PLA2G7: variants seen among roughly 807,000 people sequenced by gnomAD.
PLA2G7 encodes phospholipase A2 group VII, also known as platelet-activating factor acetylhydrolase.
A neutral mutation model predicts 49.6 loss-of-function variants in PLA2G7; 63 were observed. The observed-to-expected ratio is 1.27, with a 90% confidence interval of 1.04 to 1.57. The LOEUF (loss-of-function observed/expected upper bound fraction) is 1.57, where lower values mean the gene tolerates loss of function less well. Ranked by LOEUF, PLA2G7 falls within the 40% of genes most tolerant of loss-of-function variation. The pLI, the probability that PLA2G7 is intolerant of heterozygous loss-of-function variation, is 0.00. For missense variants in PLA2G7, 596 were observed against 521.2 expected (o/e 1.14, Z -1.40); for synonymous variants, 193 against 169.9 (o/e 1.14, Z -1.06).
chr6:46,734,443 A>T (rs1380304167), intron 1 of PLA2G7, among the ~76,000 whole-genome samples: 3,469 of 59,210 alleles, frequency 0.059, 553 homozygotes, highest in African/African-American at 0.25. Flanking sequence ...AGAGAGAGAG[A>T]GAGAGAGAGA....
rs140522660 is a variant in PLA2G7, at chr6:46,722,988, C to T, written c.-34-63G>A. 5.4e-6 allele frequency: 4 copies of T among 734,066 alleles called. No homozygotes were observed. The African/African-American group carries it at 7.0e-5, about 13-fold the overall frequency. The allele number at this position is 734,066 out of a possible 1,614,324, so 45.5% of individuals were successfully genotyped here. A position where few individuals can be genotyped will look rare whatever the true frequency, so the allele number is the denominator to read the frequency against. ...AATGAAGAGGCCTTAAATAAGCTGA[C>T]AAATCAAGAAAGGCTGAGGTACTAG... On this transcript the variant is annotated intron_variant, in intron 1 of 11. Transcript: ENST00000274793.
chr6:46,727,474 C>A (rs1381414239), intron 1 of PLA2G7, among the ~76,000 whole-genome samples: 2 of 152,146 alleles, frequency 1.3e-5, no homozygotes, highest in East Asian at 3.8e-4. Context: ...TACTCTCTTT[C>A]CAAATTCTTC....
At chr6:46,706,021 C>T (rs1016806010) in intron 10 of PLA2G7, among the ~76,000 whole-genome samples, 4 of 152,164 alleles carry the variant, frequency 2.6e-5, no homozygotes, top group Admixed American at 2.6e-4. Context: ...GTAGGCATTC[C>T]TTAGGATTCT....
chr6:46,734,925 G>C (rs192560542), intron 1 of PLA2G7, among the ~76,000 whole-genome samples: 67 of 152,304 alleles, frequency 4.4e-4, no homozygotes, highest in Admixed American at 1.9e-3. Flanking sequence ...CCAGCTCTGA[G>C]CTCTTAGGGT....
chr6:46,708,963 A>T (rs1342131612), intron 9 of PLA2G7, among the ~76,000 whole-genome samples: 1 of 152,202 alleles, frequency 6.6e-6, no homozygotes, highest in Non-Finnish European at 1.5e-5. Flanking sequence ...AAACCTAATT[A>T]AAAAATGTCC....
intron 7 of PLA2G7, 30 bp from the exon 8 acceptor site, chr6:46,710,688 CA>C (rs1764986690): frequency 6.6e-7 from 1 of 1,518,516 alleles, no homozygotes; most frequent in African/African-American, 1.4e-5. Context: ...AAGGAAATGA[CA>C]AAGTAAAAAG....
chr6:46,734,911 C>T (rs550328170), intron 1 of PLA2G7, among the ~76,000 whole-genome samples: 2 of 152,280 alleles, frequency 1.3e-5, no homozygotes, highest in Admixed American at 6.5e-5. Context: ...TCCTGATTCT[C>T]CCCCCAGCTC....
chr6:46,718,389 T>A (rs557395434), intron 2 of PLA2G7, among the ~76,000 whole-genome samples: 1 of 152,230 alleles, frequency 6.6e-6, no homozygotes, highest in Non-Finnish European at 1.5e-5. Flanking sequence ...ATGTGGCCTA[T>A]CCTTCCAGTG....
At chr6:46,726,853 G>A (rs557121681) in intron 1 of PLA2G7, among the ~76,000 whole-genome samples, 41 of 151,990 alleles carry the variant, frequency 2.7e-4, no homozygotes, top group African/African-American at 9.7e-4. Context: ...TGTTGGCCAG[G>A]CTGCTTATGA....
intron 5 of PLA2G7, 117 bp downstream of exon 5, chr6:46,714,343 C>T: frequency 3.8e-6 from 3 of 781,070 alleles, no homozygotes; most frequent in Non-Finnish European, 2.3e-6. Context: ...ATTGAGGAAA[C>T]CCAACTCCTC....
At position 46,704,468 on chromosome 6, in the gene PLA2G7, TCTCTCTCTCTCACACACA is replaced by T. The variant is rs67717679; in HGVS notation, c.*74_*91del. ...CTCTCTCTCTCTCTCTCTCTCTCTC[TCTCTCTCTCTCACACACA>T]CACACACACACACACACACACACAT... On this transcript the variant is annotated 3_prime_UTR_variant, in exon 12 of 12. Transcript: ENST00000274793. 18,248 of 416,068 alleles carry T rather than the reference TCTCTCTCTCTCACACACA, an allele frequency of 0.044. 168 individuals carry two copies. The highest frequency in any genetic ancestry group is 0.15 in the East Asian group (3,112 of 21,268). The allele number at this position is 416,068 out of a possible 1,614,324, so 25.8% of individuals were successfully genotyped here.
intron 5 of PLA2G7, 39 bp from the exon 6 acceptor site, chr6:46,712,376 C>G (rs758109112): frequency 6.8e-7 from 1 of 1,461,354 alleles, no homozygotes; most frequent in Non-Finnish European, 9.6e-7. Context: ...AACTACCAGT[C>G]ATGATTACAA....
chr6:46,711,529 T>C lies in PLA2G7; in HGVS notation c.630A>G (p.Lys210=). The C allele has an allele frequency of 6.2e-7, 1 of 1,613,786 alleles. No individual in the cohort carries two copies. Among genetic ancestry groups the C allele is most frequent in the East Asian group, 2.2e-5 (1 of 44,860 alleles). Residue 210 remains lysine (K), a synonymous_variant, in exon 7 of 12, where the codon AAA becomes AAG. Coordinates refer to ENST00000274793, the MANE Select transcript of PLA2G7 (RefSeq NM_005084.4). ...TTCGTATATGTGTCTCCTCCTCTTG[T>C]TTCAGGGTTCTAAGGTAGAGCCAAG... ...DKSWLYLRTL[K]QEEETHIRNE... is the part of the protein sequence containing the mutation.
intron 1 of PLA2G7, 26 bp downstream of exon 1, chr6:46,735,154 G>T (rs1765883359): frequency 7.0e-6 from 1 of 143,374 alleles, no homozygotes; most frequent in South Asian, 2.6e-4. Flanking sequence ...TCCCACTCCC[G>T]CCTCGCCCCC....
At chr6:46,711,962 C>T (rs1437358228) in intron 6 of PLA2G7, among the ~76,000 whole-genome samples, 1 of 152,100 alleles carries the variant, frequency 6.6e-6, no homozygotes, top group African/African-American at 2.4e-5. Flanking sequence ...CCTCTATATT[C>T]CTCTTCCTTA....
Position 46,711,516 on chromosome 6 carries a change from TCTC to T in PLA2G7, c.640_642del (p.Glu214del), listed in dbSNP as rs756537454. The T allele has an allele frequency of 3.1e-6, 5 of 1,613,670 alleles. No homozygotes were observed. The South Asian group carries it at 5.5e-5, about 18-fold the overall frequency. On this transcript the variant is annotated inframe_deletion, in exon 7 of 12. Transcript: ENST00000274793. ...TGTACCTGCTCATTTCGTATATGTG[TCTC>T]CTCCTCTTGTTTCAGGGTTCTAAGG... is the stretch of plus-strand genomic sequence containing the variant.
chr6:46,714,178 T>C (rs1391391635), intron 5 of PLA2G7, among the ~76,000 whole-genome samples: 1 of 152,178 alleles, frequency 6.6e-6, no homozygotes, highest in Non-Finnish European at 1.5e-5. Context: ...AGAGGATAAT[T>C]TTAAGAGTGT....
Position 46,722,806 on chromosome 6 carries a change from G to A in PLA2G7, c.86C>T (p.Pro29Leu). Residue 29 changes from proline to leucine, a missense_variant, in exon 2 of 12, where the codon CCT becomes CTT. By Grantham distance (98) the Pro-to-Leu change is moderately conservative. Coordinates refer to ENST00000274793, the MANE Select transcript of PLA2G7 (RefSeq NM_005084.4). ...ACCTGATGATTTCATATGGGCAACAGGATTTATGTATTGCCAGTCAAAAGG... is the reference window on the plus strand; with the variant it reads ...ACCTGATGATTTCATATGGGCAACAAGATTTATGTATTGCCAGTCAAAAGG... ...VYPFDWQYIN[P>L]VAHMKSSAWV... is the part of the protein sequence containing the mutation. 1 of 1,608,596 alleles carries A rather than the reference G, an allele frequency of 6.2e-7. No individual in the cohort carries two copies. The highest frequency in any genetic ancestry group is 8.5e-7 in the Non-Finnish European group (1 of 1,175,026).
rs202223822 is a variant in PLA2G7 at position 46,711,561 on chromosome 6, C to A, written c.598G>T (p.Asp200Tyr). ...GTTCTAAGGTAGAGCCAAGACTTGT[C>A]CCCTATTTCTGCAGCAGATTGGTCC... is the stretch of plus-strand genomic sequence containing the variant. ...FKDQSAAEIG[D>Y]KSWLYLRTLK... is the part of the protein sequence containing the mutation. Residue 200 changes from aspartate (D) to tyrosine (Y), a missense_variant, in exon 7 of 12, where the codon GAC becomes TAC. By Grantham distance (160) the Asp-to-Tyr change is radical (BLOSUM62 -3). Transcript: ENST00000274793. 6 of 1,613,570 alleles carry A rather than the reference C, an allele frequency of 3.7e-6. No individual in the cohort carries two copies. The highest frequency in any genetic ancestry group is 3.3e-5 in the Admixed American group (2 of 60,008).
Sources: gnomAD v4.1 joint callset for allele counts (sites outside exome capture counted in the v4.1 genomes callset) on GRCh38, gnomAD v4.1.1 for gene constraint, MANE v1.5 for transcripts, NCBI Gene and HGNC (gene_info 2026-07-23, HGNC 2026-07-21) for gene names.